The following NTNG1 variants were observed in gnomAD, a reference collection of about 807,000 sequenced individuals.
NTNG1 encodes netrin G1.
Under a neutral mutation model 54.0 loss-of-function variants are expected in NTNG1, and 16 were observed. The ratio of observed to expected loss-of-function variants is 0.30; its 90% CI spans 0.20 to 0.45. NTNG1 has a LOEUF of 0.45. NTNG1 is among the 20% of genes least tolerant of loss of function. The pLI is 1.00. For missense variants in NTNG1, 530 were observed against 678.7 expected (o/e 0.78, Z 2.43); for synonymous variants, 255 against 263.1 (o/e 0.97, Z 0.30).
At chr1:107,202,702 A>G (rs1658849923) in intron 2 of NTNG1, among the ~76,000 whole-genome samples, 1 of 151,830 alleles carries the variant, frequency 6.6e-6, no homozygotes, top group South Asian at 2.1e-4. Flanking sequence ...TTGGTGTACA[A>G]TTCTATGAGT....
intron 3 of NTNG1, among the ~76,000 whole-genome samples, chr1:107,351,664 G>A (rs1182791075): frequency 1.3e-5 from 2 of 151,994 alleles, no homozygotes; most frequent in African/African-American, 4.8e-5. Context: ...TCTGCCCCTG[G>A]CCCTTCCCAA....
chr1:107,346,815 T>C (rs150658546), intron 3 of NTNG1, among the ~76,000 whole-genome samples: 1 of 135,858 alleles, frequency 7.4e-6, no homozygotes, highest in East Asian at 2.2e-4. Flanking sequence ...AATGTGAACA[T>C]AGTAGGAATT....
At chr1:107,421,699 G>A (rs544128301) in intron 5 of NTNG1, among the ~76,000 whole-genome samples, 79 of 152,200 alleles carry the variant, frequency 5.2e-4, no homozygotes, top group Admixed American at 1.4e-3. Context: ...AAAGTGAGCA[G>A]CATCTCATCT....
At chr1:107,183,374 C>T (rs971847311) in intron 2 of NTNG1, among the ~76,000 whole-genome samples, 5 of 152,098 alleles carry the variant, frequency 3.3e-5, no homozygotes, top group Non-Finnish European at 5.9e-5. Context: ...ATTTGATTTT[C>T]GGGAAGCGAT....
Position 107,436,649 on chromosome 1 carries a change from T to C in NTNG1, c.1256-16T>C, listed in dbSNP as rs767402925. On this transcript the variant is annotated splice_polypyrimidine_tract_variant and intron_variant, in intron 6 of 7. Coordinates refer to ENST00000370068, the MANE Select transcript of NTNG1 (RefSeq NM_001113226.3). ...GCAGACTTGTCTCCAGCCTGTGTGTTGTCTTGTTTCTACAGAGTGTTATTG... is the reference window on the plus strand; with the variant it reads ...GCAGACTTGTCTCCAGCCTGTGTGTCGTCTTGTTTCTACAGAGTGTTATTG... The C allele has an allele frequency of 2.5e-6, 4 of 1,610,890 alleles. No homozygotes were observed. The highest frequency in any genetic ancestry group is 3.4e-6 in the Non-Finnish European group (4 of 1,178,172).
intron 3 of NTNG1, among the ~76,000 whole-genome samples, chr1:107,356,210 G>A (rs1168277915): frequency 3.9e-5 from 6 of 152,132 alleles, no homozygotes; most frequent in Admixed American, 2.0e-4. Flanking sequence ...TTAATCCGAT[G>A]CTAAGATTAA....
intron 2 of NTNG1, among the ~76,000 whole-genome samples, chr1:107,199,706 A>G (rs1658590438): frequency 6.6e-6 from 1 of 152,020 alleles, no homozygotes; most frequent in African/African-American, 2.4e-5. Flanking sequence ...TTACTTATTC[A>G]TACACACAGT....
At chr1:107,336,159 G>A (rs143742931) in intron 3 of NTNG1, among the ~76,000 whole-genome samples, 26 of 150,864 alleles carry the variant, frequency 1.7e-4, no homozygotes, top group Admixed American at 4.0e-4. Context: ...AGTTAGTGGC[G>A]TCACTGGGGT....
At chr1:107,349,100 GT>G (rs969896991) in intron 3 of NTNG1, among the ~76,000 whole-genome samples, 10 of 152,100 alleles carry the variant, frequency 6.6e-5, no homozygotes, top group Non-Finnish European at 1.2e-4. Context: ...GCCTTCTTCT[GT>G]TCCTCAGTTG....
chr1:107,164,358 C>A (rs898213961), intron 2 of NTNG1, among the ~76,000 whole-genome samples: 5 of 152,136 alleles, frequency 3.3e-5, no homozygotes, highest in Admixed American at 6.6e-5. Flanking sequence ...GGAAAGAGAA[C>A]CATGAAGGGT....
At chr1:107,303,899 A>G (rs1299926876) in intron 2 of NTNG1, among the ~76,000 whole-genome samples, 3 of 151,912 alleles carry the variant, frequency 2.0e-5, no homozygotes, top group East Asian at 1.9e-4. Context: ...GTTGGTCAGG[A>G]TGGTCTTGAT....
chr1:107,301,246 A>T (rs1490184401), intron 2 of NTNG1, among the ~76,000 whole-genome samples: 1 of 152,204 alleles, frequency 6.6e-6, no homozygotes, highest in Non-Finnish European at 1.5e-5. Context: ...AAAAGACTTC[A>T]TATGCTATTG....
rs1570934143 is a variant in NTNG1 at position 107,425,036 on chromosome 1, C to T, written c.1088-5714C>T. On this transcript the variant is annotated intron_variant, in intron 5 of 7. Coordinates refer to ENST00000370068, the MANE Select transcript of NTNG1 (RefSeq NM_001113226.3). ...AAGAGACTGTGGTGGCCCAGAAGCC[C>T]CTGCTTCAGGAAGGATTACCAGGCA... Among the ~76,000 whole-genome samples the T allele has an allele frequency of 3.3e-5, 5 of 152,034 alleles. No individual in the cohort carries two copies. The South Asian group carries it at 1.0e-3, about 32-fold the overall frequency.
At chr1:107,234,333 AGCT>A (rs1661264554) in intron 2 of NTNG1, among the ~76,000 whole-genome samples, 1 of 152,026 alleles carries the variant, frequency 6.6e-6, no homozygotes, top group South Asian at 2.1e-4. Context: ...ATATTGGCCA[AGCT>A]GGTCTTTAAC....
At chr1:107,366,876 A>G (rs1374460739) in intron 3 of NTNG1, among the ~76,000 whole-genome samples, 1 of 152,236 alleles carries the variant, frequency 6.6e-6, no homozygotes, top group Non-Finnish European at 1.5e-5. Context: ...ATTTCTGGTC[A>G]TTTAAAATCC....
chr1:107,421,033 A>G (rs369110002), intron 5 of NTNG1: 1 of 1,282,260 alleles, frequency 7.8e-7, no homozygotes, highest in African/African-American at 1.5e-5. Context: ...TACAGTTTGA[A>G]CGTTTCACTA....
At chr1:107,154,611 A>C (rs985323655) in intron 2 of NTNG1, among the ~76,000 whole-genome samples, 2,297 of 149,824 alleles carry the variant, frequency 0.015, 86 homozygotes, top group African/African-American at 0.052. Flanking sequence ...AAAAAAAAAA[A>C]AAAAAAAAAA....
chr1:107,405,974 A>G (rs1673389937), intron 4 of NTNG1, among the ~76,000 whole-genome samples: 1 of 152,196 alleles, frequency 6.6e-6, no homozygotes. Flanking sequence ...AATCACGTTC[A>G]GCTTGAAATT....
intron 2 of NTNG1, among the ~76,000 whole-genome samples, chr1:107,294,049 C>A (rs1052401113): frequency 8.5e-5 from 13 of 152,268 alleles, no homozygotes; most frequent in African/African-American, 3.1e-4. Flanking sequence ...AGCTGGACAA[C>A]CAGGGCAGAG....
Sources: gnomAD v4.1 joint callset for allele counts (sites outside exome capture counted in the v4.1 genomes callset) on GRCh38, gnomAD v4.1.1 for gene constraint, MANE v1.5 for transcripts, NCBI Gene and HGNC (gene_info 2026-07-23, HGNC 2026-07-21) for gene names.